Variants in H2AZ2 observed in about 807,000 individuals in gnomAD.
H2AZ2 encodes H2A.Z variant histone 2.
A neutral mutation model predicts 15.5 loss-of-function variants in H2AZ2; 5 were observed. The observed-to-expected ratio is 0.32, with a 90% CI of 0.17 to 0.68. The LOEUF (loss-of-function observed/expected upper bound fraction) is 0.68, where lower values mean the gene tolerates loss of function less well. H2AZ2 is among the 30% of genes least tolerant of loss of function. H2AZ2 has a pLI of 0.72. For synonymous variants in H2AZ2, 44 were observed against 57.4 expected (o/e 0.77, Z 1.05); for missense variants, 42 against 162.5 (o/e 0.26, Z 4.03).
intron 1 of H2AZ2, among the ~76,000 whole-genome samples, chr7:44,845,898 A>G (rs1413237000): frequency 2.0e-5 from 3 of 152,150 alleles, no homozygotes; most frequent in Admixed American, 2.0e-4. Flanking sequence ...CAAACTGTAT[A>G]TATAGCCTCC....
downstream of H2AZ2, chr7:44,828,683 A>C (rs915049137): frequency 6.6e-6 from 1 of 152,224 alleles, no homozygotes; most frequent in African/African-American, 2.4e-5. Flanking sequence ...CTCTACCCTC[A>C]GGGGCCTAAA....
chr7:44,828,634 A>T (rs1792958131), downstream of H2AZ2: 1 of 151,966 alleles, frequency 6.6e-6, no homozygotes. Flanking sequence ...ACAAAGCCCA[A>T]CTCTCCACTG....
At chr7:44,847,049 G>C (rs577337112) in intron 1 of H2AZ2, among the ~76,000 whole-genome samples, 81 of 152,316 alleles carry the variant, frequency 5.3e-4, no homozygotes, top group African/African-American at 1.9e-3. Context: ...ACTATCTGCA[G>C]TATGATAAAT....
rs756505409 is a variant in H2AZ2, at chr7:44,840,346, CAA to C, written c.195+551_195+552del. Among the ~76,000 whole-genome samples the C allele has an allele frequency of 3.3e-5, 5 of 152,182 alleles. No homozygotes were observed. The East Asian group carries it at 5.8e-4, about 18-fold the overall frequency. ...GTACAATCTACCCACCTCAGCCGCCCAAAGTGTTGGCATTACAGGCGTGAATC... is the reference window on the plus strand; with the variant it reads ...GTACAATCTACCCACCTCAGCCGCCCAGTGTTGGCATTACAGGCGTGAATC... On this transcript the variant is annotated intron_variant, in intron 3 of 4. Transcript: ENST00000308153.
intron 4 of H2AZ2, chr7:44,835,027 G>A (rs1051675740): frequency 1.6e-4 from 25 of 161,110 alleles, no homozygotes; most frequent in Admixed American, 4.2e-4. Context: ...GGGTGATCCG[G>A]GGCCTCTCAG....
Position 44,833,131 on chromosome 7 carries a change from T to A in H2AZ2, c.*1370A>T, listed in dbSNP as rs1291668194. Among the ~76,000 whole-genome samples the A allele has an allele frequency of 1.3e-5, 2 of 152,112 alleles. No individual in the cohort carries two copies. Among genetic ancestry groups the A allele is most frequent in the Non-Finnish European group, 2.9e-5 (2 of 68,036 alleles). Reference sequence around the variant, plus strand: ...GGCGTGATCTTGGCTCACTGCAACCTCTGCCTCCTGGGTTCAAGTGATTTT... The same window carrying A: ...GGCGTGATCTTGGCTCACTGCAACCACTGCCTCCTGGGTTCAAGTGATTTT... On this transcript the variant is annotated 3_prime_UTR_variant, in exon 5 of 5. Transcript: ENST00000308153.
At chr7:44,830,709 C>T (rs987481477), downstream of H2AZ2, among the ~76,000 whole-genome samples, 1 of 152,158 alleles carries the variant, frequency 6.6e-6, no homozygotes, top group African/African-American at 2.4e-5. Context: ...ATAAGAAATA[C>T]TTTCTACGCC....
chr7:44,833,678 G>C lies in H2AZ2; in HGVS notation c.*823C>G. On this transcript the variant is annotated 3_prime_UTR_variant, in exon 5 of 5. Coordinates refer to ENST00000308153, the MANE Select transcript of H2AZ2 (RefSeq NM_012412.5). ...AAATTGGGATTTTAAACCAAAAGGA[G>C]AAACCTTTGATAAACTGAACATCAA... The C allele has an allele frequency of 7.1e-6, 7 of 985,406 alleles. No homozygotes were observed. Among genetic ancestry groups the C allele is most frequent in the Non-Finnish European group, 7.2e-6 (6 of 829,882 alleles). The allele number at this position is 985,406 out of a possible 1,614,324, so 61.0% of individuals were successfully genotyped here.
chr7:44,833,381 T>C lies in H2AZ2; in HGVS notation c.*1120A>G, dbSNP rs907022544. Among the ~76,000 whole-genome samples, 8 of 152,112 alleles carry C rather than the reference T, an allele frequency of 5.3e-5. No homozygotes were observed. The highest frequency in any genetic ancestry group is 1.9e-4 in the East Asian group (1 of 5,190). On this transcript the variant is annotated 3_prime_UTR_variant, in exon 5 of 5. Coordinates refer to ENST00000308153, the MANE Select transcript of H2AZ2 (RefSeq NM_012412.5). Reference sequence around the variant, plus strand: ...CTGAGTAGCTGGGACTACAGGCGCGTGCCACCACACCCGGCTAATTTTTTG... The same window carrying C: ...CTGAGTAGCTGGGACTACAGGCGCGCGCCACCACACCCGGCTAATTTTTTG...
At chr7:44,843,937 T>G (rs1258784403) in intron 1 of H2AZ2, among the ~76,000 whole-genome samples, 4 of 152,122 alleles carry the variant, frequency 2.6e-5, no homozygotes, top group African/African-American at 4.8e-5. Context: ...ATAACTTTTA[T>G]GCATACATGA....
intron 1 of H2AZ2, among the ~76,000 whole-genome samples, chr7:44,846,854 A>C (rs1276687214): frequency 6.6e-6 from 1 of 152,184 alleles, no homozygotes; most frequent in Non-Finnish European, 1.5e-5. Flanking sequence ...GGTTTTTTAC[A>C]ATAACAATAA....
chr7:44,833,736 G>A lies in H2AZ2; in HGVS notation c.*765C>T. The stretch of plus-strand genomic sequence containing the variant: ...TAAAACTAGGCTCTGGAGTCAGCCA[G>A]ATCTAGGTTTGAATCCTAGCTCTGT... On this transcript the variant is annotated 3_prime_UTR_variant, in exon 5 of 5. Coordinates refer to ENST00000308153, the MANE Select transcript of H2AZ2 (RefSeq NM_012412.5). 2.1e-6 allele frequency: 2 copies of A among 974,698 alleles called. No homozygotes were observed. Among genetic ancestry groups the A allele is most frequent in the Non-Finnish European group, 2.4e-6 (2 of 820,142 alleles). 60.4% of individuals were successfully genotyped at this position (974,698 alleles called of 1,614,324 possible). A position where few individuals can be genotyped will look rare whatever the true frequency, so the allele number is the denominator to read the frequency against.
chr7:44,846,024 TACAC>T (rs10573522), intron 1 of H2AZ2, among the ~76,000 whole-genome samples: 14,217 of 132,718 alleles, frequency 0.11, 1,087 homozygotes, highest in East Asian at 0.3. Flanking sequence ...TTTAAAAAAT[TACAC>T]ACACACACAC....
chr7:44,846,375 T>C (rs1350123591), intron 1 of H2AZ2, among the ~76,000 whole-genome samples: 2 of 152,092 alleles, frequency 1.3e-5, no homozygotes, highest in Non-Finnish European at 2.9e-5. Context: ...CCCAGCACTT[T>C]GTCAGGCCGA....
At chr7:44,847,363 G>T (rs1157987187) in intron 1 of H2AZ2, among the ~76,000 whole-genome samples, 4 of 152,186 alleles carry the variant, frequency 2.6e-5, no homozygotes, top group Non-Finnish European at 4.4e-5. Flanking sequence ...GCAAAGGAAA[G>T]TACTGTTGTA....
intron 3 of H2AZ2, among the ~76,000 whole-genome samples, chr7:44,838,166 G>A (rs1793176808): frequency 6.6e-6 from 1 of 151,290 alleles, no homozygotes; most frequent in Non-Finnish European, 1.5e-5. Context: ...GTAGAGATAG[G>A]GTTTCACTAT....
chr7:44,837,383 AC>A (rs1337277387), intron 3 of H2AZ2, among the ~76,000 whole-genome samples: 1 of 128,508 alleles, frequency 7.8e-6, no homozygotes, highest in Non-Finnish European at 1.6e-5. Context: ...AGATTGAGCC[AC>A]TGAACTCCAG....
chr7:44,845,026 A>T (rs150135432), intron 1 of H2AZ2, among the ~76,000 whole-genome samples: 11 of 152,340 alleles, frequency 7.2e-5, no homozygotes, highest in South Asian at 6.2e-4. Flanking sequence ...TCAGTTTACA[A>T]GATTGGCTGT....
intron 3 of H2AZ2, among the ~76,000 whole-genome samples, chr7:44,835,997 T>C (rs1182521527): frequency 1.4e-5 from 2 of 146,342 alleles, no homozygotes; most frequent in Admixed American, 6.9e-5. Context: ...TCTCACTCCA[T>C]TGCCTAGGCT....
Sources: gnomAD v4.1 joint callset for allele counts (sites outside exome capture counted in the v4.1 genomes callset) on GRCh38, gnomAD v4.1.1 for gene constraint, MANE v1.5 for transcripts, NCBI Gene and HGNC (gene_info 2026-07-23, HGNC 2026-07-21) for gene names.